The following DMRT1 variants were observed in gnomAD, a reference collection of about 807,000 sequenced individuals.
The protein encoded by DMRT1 is doublesex- and mab-3-related transcription factor 1.
Under a neutral mutation model 32.3 loss-of-function variants are expected in DMRT1, and 7 were observed. The ratio of observed to expected loss-of-function variants is 0.22; its 90% CI spans 0.12 to 0.41. The LOEUF (loss-of-function observed/expected upper bound fraction) is 0.41. DMRT1 is among the 10% of genes least tolerant of loss of function. The probability of loss-of-function intolerance (pLI) is 1.00; values close to 1 mark genes in which losing one functional copy is unlikely to be tolerated. For missense variants in DMRT1, 625 were observed against 500.5 expected (o/e 1.25, Z -2.37); for synonymous variants, 278 against 206.1 (o/e 1.35, Z -2.99).
At chr9:928,201 G>A (rs964571884) in intron 4 of DMRT1, among the ~76,000 whole-genome samples, 9 of 152,138 alleles carry the variant, frequency 5.9e-5, no homozygotes, top group African/African-American at 1.4e-4. Context: ...TAAAAGTGCC[G>A]ATATTAAAAA....
chr9:914,247 T>G (rs1482896420), intron 3 of DMRT1, among the ~76,000 whole-genome samples: 2 of 152,136 alleles, frequency 1.3e-5, no homozygotes, highest in African/African-American at 4.8e-5. Context: ...TTGGCTGTTT[T>G]CCGAGTATAG....
chr9:881,383 G>A (rs1000829498), intron 2 of DMRT1, among the ~76,000 whole-genome samples: 1 of 152,154 alleles, frequency 6.6e-6, no homozygotes, highest in Non-Finnish European at 1.5e-5. Flanking sequence ...TTTATGTAGA[G>A]GTCCACTTAC....
intron 2 of DMRT1, among the ~76,000 whole-genome samples, chr9:889,379 G>C (rs891830384): frequency 1.3e-5 from 2 of 152,124 alleles, no homozygotes; most frequent in African/African-American, 4.8e-5. Context: ...AGTTCAAATG[G>C]TTTTATTATT....
intron 2 of DMRT1, among the ~76,000 whole-genome samples, chr9:888,051 T>G (rs777533622): frequency 5.3e-5 from 8 of 152,202 alleles, no homozygotes; most frequent in Non-Finnish European, 7.3e-5. Context: ...AATATTAAAT[T>G]TTGACTCTGC....
At chr9:961,369 G>C (rs1013935691) in intron 4 of DMRT1, among the ~76,000 whole-genome samples, 7 of 152,310 alleles carry the variant, frequency 4.6e-5, no homozygotes, top group Admixed American at 2.6e-4. Flanking sequence ...ATTGACACCT[G>C]TGCCATGTAC....
At chr9:842,216 C>G (rs1185669209) in intron 1 of DMRT1, 24 bp downstream of exon 1, 15 of 1,455,148 alleles carry the variant, frequency 1.0e-5, no homozygotes, top group Non-Finnish European at 1.4e-5. Flanking sequence ...TGCGGGAGCC[C>G]GGGTTCAGCC....
chr9:844,083 A>T lies in DMRT1; in HGVS notation c.354+1891A>T, dbSNP rs79354056. On this transcript the variant is annotated intron_variant, in intron 1 of 4. Coordinates refer to ENST00000382276, the MANE Select transcript of DMRT1 (RefSeq NM_021951.3). ...TTAGTGTGGAGAACATGCTTGGGGG[A>T]TTTCTCAAAATGTAGTAAAAATATT... is the stretch of plus-strand genomic sequence containing the variant. Among the ~76,000 whole-genome samples, 558 of 152,236 alleles carry T rather than the reference A, an allele frequency of 3.7e-3. 31 individuals are homozygous for T. The East Asian group carries it at 0.092, about 25-fold the overall frequency.
intron 2 of DMRT1, among the ~76,000 whole-genome samples, chr9:849,785 C>T (rs7020856): frequency 0.033 from 3,408 of 103,008 alleles, 114 homozygotes; most frequent in African/African-American, 0.1. Flanking sequence ...AGTATGGCTC[C>T]GGGAGCCTTT....
intron 3 of DMRT1, among the ~76,000 whole-genome samples, chr9:911,039 C>T (rs1817956100): frequency 6.6e-6 from 1 of 152,136 alleles, no homozygotes; most frequent in Non-Finnish European, 1.5e-5. Flanking sequence ...TAGCTGTTTT[C>T]TTCTAGCTGG....
At chr9:958,343 A>G (rs1341844500) in intron 4 of DMRT1, among the ~76,000 whole-genome samples, 1 of 152,200 alleles carries the variant, frequency 6.6e-6, no homozygotes, top group Non-Finnish European at 1.5e-5. Context: ...ACTTTCTCTC[A>G]TATCCACTTA....
chr9:918,043 A>G (rs1366798442), intron 4 of DMRT1, among the ~76,000 whole-genome samples: 1 of 152,202 alleles, frequency 6.6e-6, no homozygotes, highest in African/African-American at 2.4e-5. Context: ...TTTTGAGTCT[A>G]TATATTTATT....
intron 4 of DMRT1, among the ~76,000 whole-genome samples, chr9:963,470 T>G (rs1362089178): frequency 6.6e-6 from 1 of 152,206 alleles, no homozygotes; most frequent in Admixed American, 6.5e-5. Context: ...AAGGGCTATT[T>G]TTTTCTCAGC....
chr9:865,161 A>G (rs1046104832), intron 2 of DMRT1, among the ~76,000 whole-genome samples: 2 of 152,208 alleles, frequency 1.3e-5, no homozygotes, highest in African/African-American at 4.8e-5. Flanking sequence ...AGAGAATGGT[A>G]TATGGCTTGA....
intron 2 of DMRT1, among the ~76,000 whole-genome samples, chr9:873,734 G>T (rs946711310): frequency 6.6e-6 from 1 of 151,908 alleles, no homozygotes; most frequent in Non-Finnish European, 1.5e-5. Context: ...CAGTGGAAAG[G>T]TGTTTTAATA....
chr9:903,190 A>T (rs1302413477), intron 3 of DMRT1, among the ~76,000 whole-genome samples: 2 of 152,154 alleles, frequency 1.3e-5, no homozygotes, highest in Non-Finnish European at 2.9e-5. Context: ...TCTTTACAAC[A>T]TAGTCTTACT....
At chr9:863,805 G>T (rs1481224207) in intron 2 of DMRT1, among the ~76,000 whole-genome samples, 2 of 152,140 alleles carry the variant, frequency 1.3e-5, no homozygotes, top group Admixed American at 1.3e-4. Context: ...CTTGTTAGTG[G>T]GGTTGAACAT....
chr9:858,093 G>T (rs1369495876), intron 2 of DMRT1, among the ~76,000 whole-genome samples: 1 of 152,064 alleles, frequency 6.6e-6, no homozygotes, highest in African/African-American at 2.4e-5. Flanking sequence ...ACATACGTGT[G>T]CATGTGCCTT....
intron 3 of DMRT1, among the ~76,000 whole-genome samples, chr9:916,267 C>A (rs554029529): frequency 1.3e-5 from 2 of 152,206 alleles, no homozygotes; most frequent in African/African-American, 4.8e-5. Context: ...TTAGAGGGGA[C>A]CTTAAGATAG....
intron 4 of DMRT1, among the ~76,000 whole-genome samples, chr9:966,514 A>T (rs539136074): frequency 1.1e-4 from 16 of 152,320 alleles, no homozygotes; most frequent in African/African-American, 3.8e-4. Flanking sequence ...TTTTCAGATC[A>T]TCTCTTTCCT....
Sources: gnomAD v4.1 joint callset for allele counts (sites outside exome capture counted in the v4.1 genomes callset) on GRCh38, gnomAD v4.1.1 for gene constraint, MANE v1.5 for transcripts, NCBI Gene and HGNC (gene_info 2026-07-23, HGNC 2026-07-21) for gene names.